The following FNTB variants were observed in gnomAD, a reference collection of about 807,000 sequenced individuals.
FNTB encodes protein farnesyltransferase subunit beta.
In FNTB, 27 loss-of-function variants were observed where a neutral mutation model predicts 59.4. The ratio of observed to expected loss-of-function variants is 0.45; its 90% CI spans 0.34 to 0.63. The LOEUF (loss-of-function observed/expected upper bound fraction) is 0.63, where lower values mean the gene tolerates loss of function less well. FNTB is among the 20% of genes least tolerant of loss of function. The pLI is 0.02. For synonymous variants in FNTB, 230 were observed against 220.7 expected (o/e 1.04, Z -0.37); for missense variants, 449 against 559.6 (o/e 0.80, Z 1.99).
rs1566868572 is a variant in FNTB, at chr14:65,011,923, C to T, written c.210-394C>T. Among the ~76,000 whole-genome samples the T allele has an allele frequency of 1.3e-5, 2 of 152,084 alleles. No homozygotes were observed. The highest frequency in any genetic ancestry group is 2.1e-4 in the South Asian group (1 of 4,804). On this transcript the variant is annotated intron_variant, in intron 2 of 11. Transcript: ENST00000246166. This position sits in a 1 kb window ranked among gnomAD's most constrained non-coding sequence, Gnocchi z 4.0. ...GACAGCGGCTGAGGCAGGGAAGTGG[C>T]GAGGCTCAGATTTAAATTGCTTATA...
chr14:65,000,001 C>T (rs1888538862), intron 1 of FNTB, among the ~76,000 whole-genome samples: 1 of 152,128 alleles, frequency 6.6e-6, no homozygotes, highest in South Asian at 2.1e-4. Context: ...TTGCGTTGTA[C>T]TTGGCTGCTT....
In FNTB at chr14:65,054,413, G is replaced by A. The variant is rs1384119164; in HGVS notation, c.1068-162G>A. ...GTGTGAGCCACTGTGCTCAGCCAGT[G>A]GGGCTTTAAATAACACTGCTGGGAA... On this transcript the variant is annotated intron_variant, in intron 10 of 11. Coordinates refer to ENST00000246166, the MANE Select transcript of FNTB (RefSeq NM_002028.4). This position sits in a 1 kb window ranked among gnomAD's most constrained non-coding sequence, Gnocchi z 4.4. Among the ~76,000 whole-genome samples the A allele has an allele frequency of 6.6e-6, 1 of 151,618 alleles. No homozygotes were observed. Among genetic ancestry groups the A allele is most frequent in the Non-Finnish European group, 1.5e-5 (1 of 67,980 alleles).
chr14:65,061,060 T>TCAAAAA, intron 11 of FNTB, 121 bp from the exon 12 acceptor site: 1 of 1,486,086 alleles, frequency 6.7e-7, no homozygotes, highest in South Asian at 1.3e-5. Flanking sequence ...CCTTTGGGCT[T>TCAAAAA]TGTGTGTATC....
intron 1 of FNTB, among the ~76,000 whole-genome samples, chr14:65,000,815 C>CAAAAAAAA (rs59420832): frequency 3.0e-4 from 11 of 36,478 alleles, no homozygotes; most frequent in East Asian, 8.8e-4. Context: ...GACTCCGTCT[C>CAAAAAAAA]AAAAAAAAAA....
rs1409410858 is a variant in FNTB at position 65,044,715 on chromosome 14, G to A, written c.955+272G>A. 21 of 465,342 alleles carry A rather than the reference G, an allele frequency of 4.5e-5. No individual in the cohort carries two copies. The highest frequency in any genetic ancestry group is 7.3e-5 in the Non-Finnish European group (20 of 272,164). The allele number at this position is 465,342 out of a possible 1,614,324, so 28.8% of individuals were successfully genotyped here. On this transcript the variant is annotated intron_variant, in intron 9 of 11. Coordinates refer to ENST00000246166, the MANE Select transcript of FNTB (RefSeq NM_002028.4). This position sits in a 1 kb window ranked among gnomAD's most constrained non-coding sequence, Gnocchi z 5.5. ...TACGGGGAGCGGGGAGGAAGTGGGCGCTGCTTCTGCGTTATCTGGAAGGAG... is the reference window on the plus strand; with the variant it reads ...TACGGGGAGCGGGGAGGAAGTGGGCACTGCTTCTGCGTTATCTGGAAGGAG...
At chr14:65,033,472 G>A (rs141886331) in intron 7 of FNTB, among the ~76,000 whole-genome samples, 32 of 152,340 alleles carry the variant, frequency 2.1e-4, no homozygotes, top group Non-Finnish European at 4.3e-4. Context: ...GACCTGAAGT[G>A]TATATGGCTA....
rs1460915221 is a variant in FNTB at position 65,011,714 on chromosome 14, C to T, written c.210-603C>T. Among the ~76,000 whole-genome samples, 2 of 152,204 alleles carry T rather than the reference C, an allele frequency of 1.3e-5. No individual in the cohort carries two copies. Among genetic ancestry groups the T allele is most frequent in the African/African-American group, 2.4e-5 (1 of 41,448 alleles). On this transcript the variant is annotated intron_variant, in intron 2 of 11. Coordinates refer to ENST00000246166, the MANE Select transcript of FNTB (RefSeq NM_002028.4). The surrounding 1 kb of genome is among the most constrained non-coding windows in gnomAD (Gnocchi z 4.0). ...TGGGCGGCACATTCCATCTTAAAGC[C>T]AGTATTGCTGACTTGAAAGCCAAGG...
chr14:64,987,254 T>G, intron 1 of FNTB, 157 bp downstream of exon 1: 1 of 871,078 alleles, frequency 1.1e-6, no homozygotes. Flanking sequence ...CGCCCAGGCT[T>G]GGGCTTCGTC....
rs1438423628 is a variant in FNTB at position 65,040,273 on chromosome 14, ATATATGTGTG to A, written c.693-511_693-502del. ...TATATATATATGTATATATATGTAT[ATATATGTGTG>A]TATATATATATATGTATATATATGT... is the stretch of plus-strand genomic sequence containing the variant. On this transcript the variant is annotated intron_variant, in intron 7 of 11. Transcript: ENST00000246166. 1.7e-4 allele frequency among the ~76,000 whole-genome samples: 25 copies of A among 149,042 alleles called. No individual in the cohort carries two copies. In the South Asian group the frequency reaches 5.4e-3, roughly 32 times the overall value.
At chr14:64,995,642 T>A (rs1056354529) in intron 1 of FNTB, among the ~76,000 whole-genome samples, 1 of 151,376 alleles carries the variant, frequency 6.6e-6, no homozygotes, top group African/African-American at 2.4e-5. Flanking sequence ...ATCATATATG[T>A]GTGTATAGTT....
intron 2 of FNTB, among the ~76,000 whole-genome samples, chr14:65,010,215 G>A (rs1192759346): frequency 6.6e-6 from 1 of 152,160 alleles, no homozygotes; most frequent in Non-Finnish European, 1.5e-5. Flanking sequence ...CCTAGCATAT[G>A]TAAACTCTCC....
At chr14:65,040,729 C>T in intron 7 of FNTB, 61 bp from the exon 8 acceptor site, 1 of 1,564,860 alleles carries the variant, frequency 6.4e-7, no homozygotes, top group East Asian at 2.3e-5. Context: ...CTAGGATGGT[C>T]CTGGTCTTGT....
chr14:65,025,140 A>C (rs2061956505), intron 4 of FNTB, among the ~76,000 whole-genome samples: 1 of 152,134 alleles, frequency 6.6e-6, no homozygotes, highest in Non-Finnish European at 1.5e-5. Flanking sequence ...GCACAGCCCC[A>C]GACAGTCAGA....
At position 65,044,489 on chromosome 14, in the gene FNTB, A is replaced by C. The variant is rs200008673; in HGVS notation, c.955+46A>C. Reference sequence around the variant, plus strand: ...ACTTGGGGCTGGATGATTTCCCTCCACTACTCACAAAGTCTGGAAGCCCAG... The same window carrying C: ...ACTTGGGGCTGGATGATTTCCCTCCCCTACTCACAAAGTCTGGAAGCCCAG... On this transcript the variant is annotated intron_variant, in intron 9 of 11. Coordinates refer to ENST00000246166, the MANE Select transcript of FNTB (RefSeq NM_002028.4). The surrounding 1 kb of genome is among the most constrained non-coding windows in gnomAD (Gnocchi z 5.5). 28 of 1,572,360 alleles carry C rather than the reference A, an allele frequency of 1.8e-5. No individual in the cohort carries two copies. The African/African-American group carries it at 3.2e-4, about 18-fold the overall frequency.
At chr14:64,995,968 C>A (rs1888377419) in intron 1 of FNTB, among the ~76,000 whole-genome samples, 1 of 150,700 alleles carries the variant, frequency 6.6e-6, no homozygotes. Context: ...ACTAAAAATA[C>A]AAAAATTAGC....
At chr14:65,021,947 A>C (rs1316296758) in intron 4 of FNTB, 1 of 455,914 alleles carries the variant, frequency 2.2e-6, no homozygotes, top group Non-Finnish European at 4.4e-6. Flanking sequence ...CGCCCGGCCT[A>C]TAGTAGCCAA....
intron 8 of FNTB, among the ~76,000 whole-genome samples, chr14:65,041,216 G>A (rs915523439): frequency 1.3e-5 from 2 of 152,198 alleles, no homozygotes; most frequent in African/African-American, 2.4e-5. Context: ...AGAGGTTATC[G>A]TGTGTTATAG....
At chr14:65,035,734 G>C (rs1247335609) in intron 7 of FNTB, among the ~76,000 whole-genome samples, 1 of 151,908 alleles carries the variant, frequency 6.6e-6, no homozygotes, top group Non-Finnish European at 1.5e-5. Context: ...GGATCTGTCT[G>C]TGTTGTCCAG....
At position 65,028,879 on chromosome 14, in the gene FNTB, A is replaced by G. The variant is rs1220053138; in HGVS notation, c.605+1098A>G. ...GTTGCTATTCCCCCAAAATATGCAC[A>G]GTCTTGAAACGCAGCTTTTAAAAAC... On this transcript the variant is annotated intron_variant, in intron 6 of 11. Transcript: ENST00000246166. This position sits in a 1 kb window ranked among gnomAD's most constrained non-coding sequence, Gnocchi z 4.4. 6.6e-6 allele frequency among the ~76,000 whole-genome samples: 1 copy of G among 152,228 alleles called. No homozygotes were observed. The highest frequency in any genetic ancestry group is 1.5e-5 in the Non-Finnish European group (1 of 68,044).
Sources: gnomAD v4.1 joint callset for allele counts (sites outside exome capture counted in the v4.1 genomes callset) on GRCh38, gnomAD v4.1.1 for gene constraint, Gnocchi (gnomAD v3.1) non-coding constraint, MANE v1.5 for transcripts, NCBI Gene and HGNC (gene_info 2026-07-23, HGNC 2026-07-21) for gene names.